TAFA4: variants seen among roughly 807,000 people sequenced by gnomAD.
The protein encoded by TAFA4 is TAFA chemokine like family member 4, also known as chemokine-like protein TAFA-4.
In TAFA4, 20 loss-of-function variants were observed where a neutral mutation model predicts 21.1. That is an observed-to-expected ratio of 0.95 (90% CI 0.67 to 1.38). The LOEUF (loss-of-function observed/expected upper bound fraction) is 1.38, where lower values mean the gene tolerates loss of function less well. Among genes scored for constraint, TAFA4 ranks in the 40% most tolerant of loss-of-function variants. The probability of loss-of-function intolerance (pLI) is 0.00; values close to 1 mark genes in which losing one functional copy is unlikely to be tolerated. For synonymous variants in TAFA4, 71 were observed against 67.4 expected, an observed-to-expected ratio of 1.05 and a Z score of -0.26; for missense variants, 211 against 180.9, an observed-to-expected ratio of 1.17 and a Z score of -0.95.
intron 3 of TAFA4, among the ~76,000 whole-genome samples, chr3:68,837,284 T>C (rs774588029): frequency 2.0e-5 from 3 of 152,214 alleles, no homozygotes; most frequent in Non-Finnish European, 4.4e-5. Context: ...CTGCAGAATC[T>C]GAGGCCCCAC....
At chr3:68,735,657 A>G (rs1575588579) in intron 5 of TAFA4, among the ~76,000 whole-genome samples, 1 of 152,202 alleles carries the variant, frequency 6.6e-6, no homozygotes, top group East Asian at 1.9e-4. Context: ...CCATTTGAGG[A>G]AGATACTGAA....
intron 3 of TAFA4, among the ~76,000 whole-genome samples, chr3:68,858,734 G>A (rs561568090): frequency 1.8e-4 from 28 of 152,040 alleles, no homozygotes; most frequent in South Asian, 1.2e-3. Context: ...CCTGTGTAAC[G>A]TCACACAGCT....
Position 68,801,865 on chromosome 3 carries a change from T to C in TAFA4, c.131-48847A>G, listed in dbSNP as rs1198067391. Among the ~76,000 whole-genome samples the C allele has an allele frequency of 2.0e-5, 3 of 151,876 alleles. No individual in the cohort carries two copies. In the East Asian group the frequency reaches 5.8e-4, roughly 29 times the overall value. ...CAAGATAATTAAGAAAGCCTATTTATAGGTGGAAAAAAATCCATTAATTTG... is the reference window on the plus strand; with the variant it reads ...CAAGATAATTAAGAAAGCCTATTTACAGGTGGAAAAAAATCCATTAATTTG... On this transcript the variant is annotated intron_variant, in intron 3 of 5. Coordinates refer to ENST00000295569, the MANE Select transcript of TAFA4 (RefSeq NM_182522.5).
Position 68,753,988 on chromosome 3 carries a change from G to T in TAFA4, c.131-970C>A, listed in dbSNP as rs80108571. Reference sequence around the variant, plus strand: ...CATGGGGCTAAATGTGTGGTACTTTGTTATTAGTTGGCAATTGCTGTTGTA... The same window carrying T: ...CATGGGGCTAAATGTGTGGTACTTTTTTATTAGTTGGCAATTGCTGTTGTA... On this transcript the variant is annotated intron_variant, in intron 3 of 5. Transcript: ENST00000295569. 1.3e-3 allele frequency among the ~76,000 whole-genome samples: 200 copies of T among 152,322 alleles called. 1 individual carries two copies. Among genetic ancestry groups the T allele is most frequent in the African/African-American group, 4.6e-3 (191 of 41,578 alleles).
At chr3:68,748,525 G>A (rs1475118492) in intron 4 of TAFA4, among the ~76,000 whole-genome samples, 3 of 152,158 alleles carry the variant, frequency 2.0e-5, no homozygotes, top group Non-Finnish European at 2.9e-5. Context: ...GGTGGATCAC[G>A]AAGTCAGGAG....
At chr3:68,879,567 A>G (rs1440396015) in intron 3 of TAFA4, among the ~76,000 whole-genome samples, 2 of 152,110 alleles carry the variant, frequency 1.3e-5, no homozygotes, top group African/African-American at 2.4e-5. Flanking sequence ...ACAATAACCA[A>G]CTAGCTGTGG....
At chr3:68,818,088 CT>C (rs1559531601) in intron 3 of TAFA4, among the ~76,000 whole-genome samples, 1 of 152,200 alleles carries the variant, frequency 6.6e-6, no homozygotes, top group Non-Finnish European at 1.5e-5. Context: ...AGCGTAGCCA[CT>C]TTCATCAATG....
intron 3 of TAFA4, among the ~76,000 whole-genome samples, chr3:68,859,828 C>T (rs1042692922): frequency 2.6e-4 from 39 of 152,058 alleles, no homozygotes; most frequent in Admixed American, 2.2e-3. Flanking sequence ...ACCAATTGCA[C>T]GCCTAGCAAG....
At chr3:68,794,877 GA>G (rs1215267883) in intron 3 of TAFA4, among the ~76,000 whole-genome samples, 2 of 150,506 alleles carry the variant, frequency 1.3e-5, no homozygotes, top group East Asian at 3.9e-4. Context: ...CCAACAAAAA[GA>G]CAAACAGAAA....
chr3:68,795,401 G>A (rs960304168), intron 3 of TAFA4, among the ~76,000 whole-genome samples: 1 of 151,914 alleles, frequency 6.6e-6, no homozygotes, highest in East Asian at 1.9e-4. Context: ...TCCAGCTTCA[G>A]CTACAGATCA....
At chr3:68,733,275 A>AACC in intron 5 of TAFA4, 122 bp from the exon 6 acceptor site, 1 of 1,235,732 alleles carries the variant, frequency 8.1e-7, no homozygotes. Flanking sequence ...ATTTACCTAT[A>AACC]ACCGACCTCA....
intron 3 of TAFA4, among the ~76,000 whole-genome samples, chr3:68,824,923 T>G (rs1199403862): frequency 6.6e-6 from 1 of 152,190 alleles, no homozygotes; most frequent in Non-Finnish European, 1.5e-5. Context: ...CGCTGTCCGA[T>G]GCTTGCTTGG....
intron 3 of TAFA4, among the ~76,000 whole-genome samples, chr3:68,783,760 AC>A (rs1703199540): frequency 6.6e-6 from 1 of 151,796 alleles, no homozygotes. Context: ...AAAGAAAGAA[AC>A]AAAAACAAAG....
chr3:68,740,526 C>G (rs1185989438), intron 4 of TAFA4, among the ~76,000 whole-genome samples: 2 of 152,128 alleles, frequency 1.3e-5, no homozygotes, highest in African/African-American at 4.8e-5. Flanking sequence ...CCTTTTCCTA[C>G]TTTTTAATTA....
intron 4 of TAFA4, among the ~76,000 whole-genome samples, chr3:68,747,279 C>T (rs536020357): frequency 7.2e-5 from 11 of 152,168 alleles, no homozygotes; most frequent in East Asian, 5.8e-4. Context: ...CACACTGATA[C>T]GGTTTGGCTC....
intron 3 of TAFA4, among the ~76,000 whole-genome samples, chr3:68,813,274 C>T (rs953053312): frequency 6.6e-6 from 1 of 151,974 alleles, no homozygotes; most frequent in African/African-American, 2.4e-5. Context: ...ACTAGAGAAG[C>T]AAGAGCAAAC....
intron 3 of TAFA4, among the ~76,000 whole-genome samples, chr3:68,875,449 C>T (rs2089535824): frequency 1.3e-5 from 2 of 152,216 alleles, no homozygotes; most frequent in East Asian, 1.9e-4. Context: ...TCCATTGCTA[C>T]CAAAACATAG....
chr3:68,885,515 C>A (rs529139894), intron 1 of TAFA4, among the ~76,000 whole-genome samples: 2 of 152,238 alleles, frequency 1.3e-5, no homozygotes, highest in African/African-American at 4.8e-5. Context: ...CATTAATTAG[C>A]CACATATTAG....
chr3:68,763,254 T>C (rs1459626234), intron 3 of TAFA4, among the ~76,000 whole-genome samples: 2 of 152,212 alleles, frequency 1.3e-5, no homozygotes, highest in Non-Finnish European at 2.9e-5. Context: ...TCCATGATCA[T>C]GTGGCAAAAG....
Sources: allele counts gnomAD v4.1 joint callset (sites outside exome capture counted in the v4.1 genomes callset), GRCh38; gene constraint gnomAD v4.1.1; transcripts MANE v1.5; gene names NCBI Gene and HGNC (gene_info 2026-07-23, HGNC 2026-07-21).